The following MGST1 variants were observed in gnomAD, a reference collection of about 807,000 sequenced individuals.
MGST1 encodes microsomal glutathione S-transferase 1, also known as glutathione S-transferase 12.
Under a neutral mutation model 8.9 loss-of-function variants are expected in MGST1, and 5 were observed. The observed-to-expected ratio is 0.56, with a 90% CI of 0.29 to 1.19. The LOEUF is 1.19. Ranked by LOEUF, MGST1 falls within the 50% of genes most tolerant of loss-of-function variation. The probability of loss-of-function intolerance (pLI) is 0.08; values close to 1 mark genes in which losing one functional copy is unlikely to be tolerated. For synonymous variants in MGST1, 54 were observed against 67.8 expected, an observed-to-expected ratio of 0.80 and a Z score of 1.00; for missense variants, 182 against 187.4, an observed-to-expected ratio of 0.97 and a Z score of 0.17.
rs1316369525 is a variant in MGST1, at chr12:16,584,751, C to T, written n.483-4777C>T. On this transcript the variant is annotated intron_variant and non_coding_transcript_variant, in intron 4 of 4. Transcript: ENST00000538857. This position sits in a 1 kb window ranked among gnomAD's most constrained non-coding sequence, Gnocchi z 5.2. ...TCTTTTATCAGGACGGGCTGCTTCTCGCCTCACAAAGCAGTGCCAAGACTC... is the reference window on the plus strand; with the variant it reads ...TCTTTTATCAGGACGGGCTGCTTCTTGCCTCACAAAGCAGTGCCAAGACTC... 6.6e-6 allele frequency among the ~76,000 whole-genome samples: 1 copy of T among 152,170 alleles called. No homozygotes were observed. The highest frequency in any genetic ancestry group is 1.5e-5 in the Non-Finnish European group (1 of 68,038).
chr12:16,408,255 CAAT>C (rs1212164765), intron 1 of MGST1, among the ~76,000 whole-genome samples: 2 of 151,862 alleles, frequency 1.3e-5, no homozygotes, highest in Non-Finnish European at 2.9e-5. Flanking sequence ...AGCAAAAAAA[CAAT>C]AATAACTTTT....
chr12:16,425,858 T>C (rs1940881014), intron 1 of MGST1, among the ~76,000 whole-genome samples: 1 of 152,230 alleles, frequency 6.6e-6, no homozygotes, highest in Non-Finnish European at 1.5e-5. Context: ...AGTGTGAAGG[T>C]GTAAGCACAT....
At chr12:16,526,562 GT>G (rs1941688016) in intron 4 of MGST1, among the ~76,000 whole-genome samples, 1 of 151,850 alleles carries the variant, frequency 6.6e-6, no homozygotes, top group African/African-American at 2.4e-5. Flanking sequence ...ACGTGTTAAG[GT>G]TTTGATACTA....
At chr12:16,529,298 G>T (rs894983361) in intron 4 of MGST1, among the ~76,000 whole-genome samples, 3 of 151,702 alleles carry the variant, frequency 2.0e-5, no homozygotes, top group Non-Finnish European at 2.9e-5. Context: ...ACAATTCCCT[G>T]GTATATTCAT....
intron 1 of MGST1, among the ~76,000 whole-genome samples, chr12:16,407,847 C>T (rs547077679): frequency 5.3e-5 from 8 of 151,862 alleles, no homozygotes; most frequent in South Asian, 4.2e-4. Flanking sequence ...TCCTGGCCAA[C>T]GTGGTGAAAC....
intron 4 of MGST1, among the ~76,000 whole-genome samples, chr12:16,525,148 A>AT (rs1015518851): frequency 1.9e-4 from 29 of 151,186 alleles, no homozygotes; most frequent in East Asian, 1.2e-3. Flanking sequence ...CCTTGAGATA[A>AT]TTTTTTTTTA....
intron 4 of MGST1, among the ~76,000 whole-genome samples, chr12:16,543,150 T>G (rs1256084478): frequency 6.6e-6 from 1 of 152,158 alleles, no homozygotes; most frequent in African/African-American, 2.4e-5. Flanking sequence ...GCTGAGAATC[T>G]GACATGCAGA....
At chr12:16,568,932 C>T (rs540645923) in intron 4 of MGST1, among the ~76,000 whole-genome samples, 53 of 152,210 alleles carry the variant, frequency 3.5e-4, no homozygotes, top group Non-Finnish European at 5.1e-4. Flanking sequence ...AGAAAAAATA[C>T]AGGCCAGAGA....
At chr12:16,437,199 T>C (rs1036265090) in intron 1 of MGST1, among the ~76,000 whole-genome samples, 1 of 151,884 alleles carries the variant, frequency 6.6e-6, no homozygotes, top group African/African-American at 2.4e-5. Flanking sequence ...GAAGAAATGC[T>C]ATGAACTAAA....
intron 4 of MGST1, among the ~76,000 whole-genome samples, chr12:16,527,336 C>G (rs1489882813): frequency 2.0e-5 from 3 of 151,932 alleles, no homozygotes; most frequent in African/African-American, 7.2e-5. Flanking sequence ...ATTTAGGATT[C>G]TGTAATTAAT....
chr12:16,495,257 C>T (rs191496435), intron 4 of MGST1, among the ~76,000 whole-genome samples: 2 of 151,966 alleles, frequency 1.3e-5, no homozygotes, highest in Non-Finnish European at 2.9e-5. Context: ...TAATTGGGAG[C>T]TAAACATTGG....
At chr12:16,396,739 A>G (rs1440247778) in intron 1 of MGST1, among the ~76,000 whole-genome samples, 1 of 152,180 alleles carries the variant, frequency 6.6e-6, no homozygotes, top group Non-Finnish European at 1.5e-5. Flanking sequence ...AGGAACTGAA[A>G]GACCTCTCCA....
intron 4 of MGST1, among the ~76,000 whole-genome samples, chr12:16,451,607 T>C (rs1941129747): frequency 6.6e-6 from 1 of 151,762 alleles, no homozygotes; most frequent in Admixed American, 6.6e-5. Context: ...AGAAAACCTG[T>C]AAAAAACAAA....
chr12:16,540,509 T>C (rs1273043914), intron 4 of MGST1, among the ~76,000 whole-genome samples: 3 of 152,220 alleles, frequency 2.0e-5, no homozygotes. Context: ...TGAAATACTC[T>C]TGAGATGATG....
chr12:16,521,622 C>A lies in MGST1; in HGVS notation n.483-67906C>A, dbSNP rs558955917. ...TTAGGCAAAGTTTTCAAAAATCTACCAAAGCTTTTGTGTGTGTGTGGTTTT... is the reference window on the plus strand; with the variant it reads ...TTAGGCAAAGTTTTCAAAAATCTACAAAAGCTTTTGTGTGTGTGTGGTTTT... On this transcript the variant is annotated intron_variant and non_coding_transcript_variant, in intron 4 of 4. Transcript: ENST00000538857. 2.0e-5 allele frequency among the ~76,000 whole-genome samples: 3 copies of A among 152,164 alleles called. No individual in the cohort carries two copies. The South Asian group carries it at 6.2e-4, about 32-fold the overall frequency.
chr12:16,392,899 G>T (rs916747922), intron 1 of MGST1, among the ~76,000 whole-genome samples: 8 of 151,900 alleles, frequency 5.3e-5, no homozygotes, highest in Non-Finnish European at 8.8e-5. Context: ...TATCTATCTA[G>T]AGGGACCTAG....
intron 4 of MGST1, among the ~76,000 whole-genome samples, chr12:16,506,861 T>G (rs1345321444): frequency 6.6e-6 from 1 of 152,218 alleles, no homozygotes; most frequent in African/African-American, 2.4e-5. Flanking sequence ...AACGAATGAA[T>G]TAAACAAATA....
chr12:16,401,588 G>T lies in MGST1; in HGVS notation n.778+17984G>T. The T allele has an allele frequency of 1.4e-6, 2 of 1,410,298 alleles. No individual in the cohort carries two copies. Among genetic ancestry groups the T allele is most frequent in the Non-Finnish European group, 2.0e-6 (2 of 994,998 alleles). The allele number at this position is 1,410,298 out of a possible 1,614,324, so 87.4% of individuals were successfully genotyped here. ...ACAGGTTGGAGCAATAAGACTCGAA[G>T]CGAATACCCATGGCACAAGTGATAG... On this transcript the variant is annotated intron_variant and non_coding_transcript_variant, in intron 1 of 1. Transcript: ENST00000359720. The surrounding 1 kb of genome is among the most constrained non-coding windows in gnomAD (Gnocchi z 4.3).
intron 4 of MGST1, among the ~76,000 whole-genome samples, chr12:16,446,718 G>A (rs1258893015): frequency 6.6e-6 from 1 of 151,794 alleles, no homozygotes; most frequent in Admixed American, 6.6e-5. Context: ...CATCCACTCT[G>A]TGACATCCCC....
Sources: allele counts gnomAD v4.1 joint callset (sites outside exome capture counted in the v4.1 genomes callset), GRCh38; gene constraint gnomAD v4.1.1; non-coding constraint Gnocchi (gnomAD v3.1); transcripts MANE v1.5; gene names NCBI Gene and HGNC (gene_info 2026-07-23, HGNC 2026-07-21).